TLR5: variants seen among roughly 807,000 people sequenced by gnomAD.
TLR5 encodes the protein toll like receptor 5.
For missense variants in TLR5, 944 were observed against 999.8 expected, an observed-to-expected ratio of 0.94 and a Z score of 0.75; for synonymous variants, 373 against 384.4, an observed-to-expected ratio of 0.97 and a Z score of 0.35.
At chr1:223,139,598 G>GGCCTGGGGAGCT (rs2102944651) in intron 2 of TLR5, among the ~76,000 whole-genome samples, 1 of 152,292 alleles carries the variant, frequency 6.6e-6, no homozygotes, top group East Asian at 1.9e-4. Flanking sequence ...AGAGAGCCTA[G>GGCCTGGGGAGCT]GCCTGGGGAG....
At chr1:223,126,962 G>T (rs936343541) in intron 5 of TLR5, 1 of 152,208 alleles carries the variant, frequency 6.6e-6, no homozygotes, top group Non-Finnish European at 1.5e-5. Context: ...CCATTAGCTG[G>T]GTTGGTTCCC....
intron 5 of TLR5, among the ~76,000 whole-genome samples, chr1:223,116,078 G>A (rs712867): frequency 0.042 from 6,380 of 152,148 alleles, 415 homozygotes; most frequent in African/African-American, 0.14. Context: ...ATCCCCTGCC[G>A]TGTTACTCTT....
intron 5 of TLR5, among the ~76,000 whole-genome samples, chr1:223,121,089 A>G (rs1656933270): frequency 6.6e-6 from 1 of 152,174 alleles, no homozygotes; most frequent in South Asian, 2.1e-4. Context: ...CCTTGGAAAA[A>G]AAATGTTTAA....
Position 223,110,664 on chromosome 1 carries a change from C to T in TLR5, c.2368G>A (p.Val790Met). ...TACTGGGACAAGGACCCAACCACCA[C>T]CATGATGAGAGCACTGTTAAGGTCA... ...LSDLNSALIM[V>M]VVGSLSQYQL... Residue 790 changes from valine to methionine, a missense_variant, in exon 6 of 6, where the codon GTG becomes ATG. Coordinates refer to ENST00000642603, the MANE Select transcript of TLR5 (RefSeq NM_003268.6). 1 of 1,614,180 alleles carries T rather than the reference C, an allele frequency of 6.2e-7. No individual in the cohort carries two copies. The highest frequency in any genetic ancestry group is 8.5e-7 in the Non-Finnish European group (1 of 1,180,026).
At position 223,122,564 on chromosome 1, in the gene TLR5, C is replaced by T. The variant is rs76071843; in HGVS notation, c.-4-9529G>A. Among the ~76,000 whole-genome samples the T allele has an allele frequency of 7.3e-3, 1,118 of 152,284 alleles. 5 individuals are homozygous for T. The highest frequency in any genetic ancestry group is 0.014 in the Middle Eastern group (4 of 294). On this transcript the variant is annotated intron_variant, in intron 5 of 5. Coordinates refer to ENST00000642603, the MANE Select transcript of TLR5 (RefSeq NM_003268.6). ...AAGACCATATTTGTATTGGGTTCCA[C>T]ATAACCTTTTCCACATCTTATAGTA...
At position 223,119,206 on chromosome 1, in the gene TLR5, G is replaced by A. The variant is rs182293485; in HGVS notation, c.-4-6171C>T. ...TGGTTGACACGTGCATGACAGTCCC[G>A]TACCATGCAGAATCAGCCAGCATCC... On this transcript the variant is annotated intron_variant, in intron 5 of 5. Coordinates refer to ENST00000642603, the MANE Select transcript of TLR5 (RefSeq NM_003268.6). Among the ~76,000 whole-genome samples, 258 of 152,248 alleles carry A rather than the reference G, an allele frequency of 1.7e-3. 2 individuals are homozygous for A. The highest frequency in any genetic ancestry group is 5.6e-3 in the African/African-American group (232 of 41,548).
At position 223,111,775 on chromosome 1, in the gene TLR5, T is replaced by C. The variant is rs1656354442; in HGVS notation, c.1257A>G (p.Pro419=). Residue 419 remains proline, a synonymous_variant, in exon 6 of 6, where the codon CCA becomes CCG. Transcript: ENST00000642603. ...FLSGNKLVTL[P]KINLTANLIH... ...TGAGGTTCGCTGTAAGGTTGATCTT[T>C]GGCAAAGTCACTAGTTTATTGCCAC... is the stretch of plus-strand genomic sequence containing the variant. The C allele has an allele frequency of 3.7e-6, 6 of 1,614,182 alleles. No individual in the cohort carries two copies. The highest frequency in any genetic ancestry group is 1.7e-5 in the Admixed American group (1 of 60,022).
chr1:223,112,024 G>T lies in TLR5; in HGVS notation c.1008C>A (p.Asp336Glu), dbSNP rs1277203451. 1 of 1,614,072 alleles carries T rather than the reference G, an allele frequency of 6.2e-7. No homozygotes were observed. The highest frequency in any genetic ancestry group is 8.5e-7 in the Non-Finnish European group (1 of 1,180,034). The change falls in exon 6 of 6, where the codon GAC becomes GAA. Residue 336 changes from aspartate (D) to glutamate (E), a missense_variant. Transcript: ENST00000642603. The part of the protein sequence containing the change: ...KIADEAFYGL[D>E]NLQVLNLSYN... ...ATGACAAATTGAGAACTTGGAGGTT[G>T]TCAAGTCCGTAAAATGCTTCATCTG... is the stretch of plus-strand genomic sequence containing the variant.
In TLR5 at chr1:223,134,813, T is replaced by C. The variant is rs1248805562; in HGVS notation, c.-301A>G. The C allele has an allele frequency of 1.3e-5, 2 of 152,140 alleles. No homozygotes were observed. The highest frequency in any genetic ancestry group is 4.8e-5 in the African/African-American group (2 of 41,360). The allele number at this position is 152,140 out of a possible 1,614,324, so 9.4% of individuals were successfully genotyped here. A position where few individuals can be genotyped will look rare whatever the true frequency, so the allele number is the denominator to read the frequency against. The stretch of plus-strand genomic sequence containing the variant: ...AATTGCCAGGAAAGCTGGGCAACTA[T>C]AAGGTCAGGGGGCTGGAGCAGATGA... On this transcript the variant is annotated 5_prime_UTR_variant, in exon 4 of 6. Coordinates refer to ENST00000642603, the MANE Select transcript of TLR5 (RefSeq NM_003268.6).
chr1:223,122,017 GA>G (rs1239861018), intron 5 of TLR5, among the ~76,000 whole-genome samples: 2 of 152,168 alleles, frequency 1.3e-5, no homozygotes, highest in African/African-American at 4.8e-5. Context: ...AAGAATTATT[GA>G]AAGAAAATAG....
chr1:223,114,508 C>G (rs1656527593), intron 5 of TLR5, among the ~76,000 whole-genome samples: 2 of 152,110 alleles, frequency 1.3e-5, no homozygotes, highest in Non-Finnish European at 2.9e-5. Context: ...GAGCATGAAT[C>G]CCATGAGACA....
chr1:223,114,597 C>T (rs145073203), intron 5 of TLR5, among the ~76,000 whole-genome samples: 38 of 152,260 alleles, frequency 2.5e-4, no homozygotes, highest in African/African-American at 8.7e-4. Context: ...CTAGCTCTGA[C>T]GAGGTTGTGC....
chr1:223,111,389 G>T lies in TLR5; in HGVS notation c.1643C>A (p.Ala548Asp), dbSNP rs140469324. The T allele has an allele frequency of 5.0e-6, 8 of 1,614,182 alleles. No homozygotes were observed. In the African/African-American group the frequency reaches 8.0e-5, roughly 16 times the overall value. Residue 548 changes from alanine to aspartate, a missense_variant, in exon 6 of 6, where the codon GCT (alanine) becomes GAT (aspartate). Physicochemically the swap from Ala to Asp is moderately radical, Grantham distance 126 (BLOSUM62 -2). Transcript: ENST00000642603. ...GGATATGTCCAGGATCTCTAAATTAGCAGGTAAATCATTGTGAGAAAGAAC... is the reference window on the plus strand; with the variant it reads ...GGATATGTCCAGGATCTCTAAATTATCAGGTAAATCATTGTGAGAAAGAAC... ...LTVLSHNDLP[A>D]NLEILDISRN...
chr1:223,142,756 G>A (rs1055082219), intron 1 of TLR5, among the ~76,000 whole-genome samples: 1 of 152,200 alleles, frequency 6.6e-6, no homozygotes, highest in African/African-American at 2.4e-5. Flanking sequence ...GGATTTCCAT[G>A]GCCCTGCTGG....
At chr1:223,124,971 T>C (rs1288940324) in intron 5 of TLR5, among the ~76,000 whole-genome samples, 1 of 152,116 alleles carries the variant, frequency 6.6e-6, no homozygotes, top group African/African-American at 2.4e-5. Context: ...GCAACAGATG[T>C]GGGTGCATGT....
chr1:223,117,765 G>A (rs1028324193), intron 5 of TLR5, among the ~76,000 whole-genome samples: 4 of 152,126 alleles, frequency 2.6e-5, no homozygotes, highest in Non-Finnish European at 5.9e-5. Flanking sequence ...TTGCAGGGAT[G>A]ATTTTTGGTT....
intron 5 of TLR5, among the ~76,000 whole-genome samples, chr1:223,116,769 A>T (rs1656676061): frequency 6.6e-6 from 1 of 152,192 alleles, no homozygotes; most frequent in East Asian, 1.9e-4. Flanking sequence ...TTAGCTAGAC[A>T]CAGAGCACTG....
At chr1:223,116,974 C>T (rs1429708899) in intron 5 of TLR5, among the ~76,000 whole-genome samples, 1 of 152,180 alleles carries the variant, frequency 6.6e-6, no homozygotes, top group African/African-American at 2.4e-5. Flanking sequence ...GCTCTTCAGT[C>T]CTTGGGTGGT....
At chr1:223,125,359 C>T (rs1657124484) in intron 5 of TLR5, among the ~76,000 whole-genome samples, 1 of 152,114 alleles carries the variant, frequency 6.6e-6, no homozygotes, top group African/African-American at 2.4e-5. Flanking sequence ...ATGGAGAACC[C>T]GTGGGACTGT....
Sources: allele counts gnomAD v4.1 joint callset (sites outside exome capture counted in the v4.1 genomes callset), GRCh38; gene constraint gnomAD v4.1.1; transcripts MANE v1.5; gene names NCBI Gene and HGNC (gene_info 2026-07-23, HGNC 2026-07-21).